Variants in TGFBR3 observed in about 807,000 individuals in gnomAD.
TGFBR3 encodes the protein transforming growth factor beta receptor 3, also known as transforming growth factor beta receptor type 3.
TGFBR3 carries 46 observed loss-of-function variants against 87.9 expected under a neutral mutation model. That is an observed-to-expected ratio of 0.52 (90% CI 0.41 to 0.67). The LOEUF is 0.67. TGFBR3 is among the 30% of genes least tolerant of loss of function. The probability of loss-of-function intolerance (pLI) is 0.00; values close to 1 mark genes in which losing one functional copy is unlikely to be tolerated. For missense variants in TGFBR3, 866 were observed against 1,041.9 expected, an observed-to-expected ratio of 0.83 and a Z score of 2.32; for synonymous variants, 381 against 391.6, an observed-to-expected ratio of 0.97 and a Z score of 0.32.
intron 2 of TGFBR3, among the ~76,000 whole-genome samples, chr1:91,894,157 C>T (rs904830852): frequency 6.6e-6 from 1 of 152,096 alleles, no homozygotes; most frequent in Non-Finnish European, 1.5e-5. Flanking sequence ...CCACATCTGC[C>T]GATTTTATCT....
At chr1:91,758,995 T>C (rs937669315) in intron 3 of TGFBR3, among the ~76,000 whole-genome samples, 1 of 152,206 alleles carries the variant, frequency 6.6e-6, no homozygotes, top group Non-Finnish European at 1.5e-5. Flanking sequence ...CAAAGCATGA[T>C]TTAGCTCCCT....
chr1:91,858,625 AAAAAAAAAC>A (rs1188490617), intron 2 of TGFBR3, among the ~76,000 whole-genome samples: 1 of 150,912 alleles, frequency 6.6e-6, no homozygotes, highest in African/African-American at 2.5e-5. Context: ...AAAAAAAAAA[AAAAAAAAAC>A]AAAATTTCCC....
chr1:91,842,099 CA>C (rs74461608), intron 2 of TGFBR3, among the ~76,000 whole-genome samples: 39,990 of 131,366 alleles, frequency 0.3, 5,699 homozygotes, highest in African/African-American at 0.41. Flanking sequence ...AAGACTCTGC[CA>C]AAAAAAAAAA....
Position 91,681,536 on chromosome 1 carries a change from T to C in TGFBR3, c.*2203A>G, listed in dbSNP as rs1480344037. On this transcript the variant is annotated 3_prime_UTR_variant, in exon 17 of 17. Coordinates refer to ENST00000212355, the MANE Select transcript of TGFBR3 (RefSeq NM_003243.5). ...AATATATTACAGAAGGTTTTAACCC[T>C]GTCCTTCTAAGACATCAATCTTTTA... The C allele has an allele frequency of 2.7e-6, 1 of 366,222 alleles. No homozygotes were observed. The highest frequency in any genetic ancestry group is 5.2e-6 in the Non-Finnish European group (1 of 192,960). 22.7% of individuals were successfully genotyped at this position (366,222 alleles called of 1,614,324 possible).
intron 2 of TGFBR3, among the ~76,000 whole-genome samples, chr1:91,837,027 T>TA (rs1047786091): frequency 1.3e-5 from 2 of 152,050 alleles, no homozygotes; most frequent in Non-Finnish European, 2.9e-5. Context: ...TTCCCCATTT[T>TA]AAAAAACTAA....
chr1:91,685,612 A>T (rs565899881), intron 16 of TGFBR3, among the ~76,000 whole-genome samples: 118 of 152,010 alleles, frequency 7.8e-4, no homozygotes, highest in African/African-American at 2.8e-3. Context: ...GTGAGCCACC[A>T]CGCCCGGCTG....
At chr1:91,829,111 C>G (rs1175524922) in intron 2 of TGFBR3, among the ~76,000 whole-genome samples, 1 of 152,060 alleles carries the variant, frequency 6.6e-6, no homozygotes. Flanking sequence ...CACGATGGCT[C>G]ACACCTGTAA....
chr1:91,703,688 C>T (rs1671697523), intron 14 of TGFBR3, among the ~76,000 whole-genome samples: 1 of 152,184 alleles, frequency 6.6e-6, no homozygotes, highest in South Asian at 2.1e-4. Flanking sequence ...TTCTCAAATG[C>T]TGTAAAAAGC....
chr1:91,764,449 G>A (rs889069412), intron 3 of TGFBR3, among the ~76,000 whole-genome samples: 9 of 151,888 alleles, frequency 5.9e-5, no homozygotes, highest in Admixed American at 3.3e-4. Flanking sequence ...AGGGGCAAGA[G>A]CTCATATAAA....
intron 12 of TGFBR3, among the ~76,000 whole-genome samples, chr1:91,712,879 C>T (rs1048652550): frequency 2.6e-5 from 4 of 152,076 alleles, no homozygotes; most frequent in Admixed American, 6.5e-5. Flanking sequence ...GTGGATTTTC[C>T]GAAGTAAATA....
intron 2 of TGFBR3, among the ~76,000 whole-genome samples, chr1:91,852,402 G>A (rs1487163726): frequency 1.3e-4 from 20 of 152,198 alleles, no homozygotes; most frequent in Non-Finnish European, 2.5e-4. Context: ...GTGTGTGTGC[G>A]CATGCATGTG....
chr1:91,778,474 C>T (rs1191584166), intron 3 of TGFBR3, among the ~76,000 whole-genome samples: 3 of 152,158 alleles, frequency 2.0e-5, no homozygotes, highest in Non-Finnish European at 2.9e-5. Context: ...TTTATTAAGA[C>T]TCACAATCCA....
intron 3 of TGFBR3, among the ~76,000 whole-genome samples, chr1:91,769,290 G>A (rs1674292540): frequency 6.6e-6 from 1 of 152,132 alleles, no homozygotes; most frequent in Non-Finnish European, 1.5e-5. Flanking sequence ...GGTTCCTATG[G>A]AAGGAAGCTC....
chr1:91,872,030 T>A (rs1678597109), intron 1 of TGFBR3, among the ~76,000 whole-genome samples: 2 of 152,214 alleles, frequency 1.3e-5, no homozygotes, highest in African/African-American at 4.8e-5. Flanking sequence ...AGCTCCATTC[T>A]AGACAATTTA....
intron 3 of TGFBR3, among the ~76,000 whole-genome samples, chr1:91,778,907 A>G (rs1292810199): frequency 6.6e-6 from 1 of 152,188 alleles, no homozygotes; most frequent in South Asian, 2.1e-4. Context: ...GGGGTGGTCA[A>G]TGAAGGCCTC....
intron 8 of TGFBR3, among the ~76,000 whole-genome samples, chr1:91,721,149 CTTTAAT>C (rs1672354972): frequency 6.6e-6 from 1 of 152,172 alleles, no homozygotes; most frequent in South Asian, 2.1e-4. Context: ...ATTATCTCTC[CTTTAAT>C]AATATTCTTT....
intron 2 of TGFBR3, among the ~76,000 whole-genome samples, chr1:91,828,530 T>A (rs1056326496): frequency 6.6e-6 from 1 of 152,184 alleles, no homozygotes; most frequent in Non-Finnish European, 1.5e-5. Flanking sequence ...GTTCAGTTTA[T>A]CAACAGGAGA....
intron 3 of TGFBR3, among the ~76,000 whole-genome samples, chr1:91,779,896 A>AT (rs1674701857): frequency 6.6e-6 from 1 of 152,304 alleles, no homozygotes; most frequent in South Asian, 2.1e-4. Flanking sequence ...GCAGAGCCAC[A>AT]TGCCCTCCAG....
At chr1:91,876,307 T>G (rs1218586857) in intron 1 of TGFBR3, among the ~76,000 whole-genome samples, 1 of 152,328 alleles carries the variant, frequency 6.6e-6, no homozygotes, top group African/African-American at 2.4e-5. Flanking sequence ...CTGCCGGGGC[T>G]GATCTTCTGG....
Sources: gnomAD v4.1 joint callset for allele counts (sites outside exome capture counted in the v4.1 genomes callset) on GRCh38, gnomAD v4.1.1 for gene constraint, MANE v1.5 for transcripts, NCBI Gene and HGNC (gene_info 2026-07-23, HGNC 2026-07-21) for gene names.